Variants in XCR1 observed in about 807,000 individuals in gnomAD.
XCR1 encodes the protein chemokine XC receptor 1.
For missense variants in XCR1, 356 were observed against 424.2 expected, an observed-to-expected ratio of 0.84 and a Z score of 1.41; for synonymous variants, 187 against 188.5, an observed-to-expected ratio of 0.99 and a Z score of 0.06.
At chr3:46,075,308 C>CAAAAAAAAAAAAA (rs56787185) in intron 2 of XCR1, among the ~76,000 whole-genome samples, 8 of 61,672 alleles carry the variant, frequency 1.3e-4, no homozygotes, top group Non-Finnish European at 2.1e-4. Context: ...GCTCATAGAC[C>CAAAAAAAAAAAAA]AAAAAAAAAA....
chr3:46,059,264 T>A (rs1234705817), intron 4 of XCR1, among the ~76,000 whole-genome samples: 1 of 152,118 alleles, frequency 6.6e-6, no homozygotes, highest in African/African-American at 2.4e-5. Context: ...AAAACTCAAG[T>A]TTGCTTATAG....
At chr3:46,042,900 A>C (rs1054815421) in intron 5 of XCR1, among the ~76,000 whole-genome samples, 2 of 152,236 alleles carry the variant, frequency 1.3e-5, no homozygotes, top group Non-Finnish European at 2.9e-5. Context: ...TCCTTCATGA[A>C]TATAGATGCA....
At chr3:46,085,096 A>G (rs1698449410) in intron 1 of XCR1, among the ~76,000 whole-genome samples, 1 of 151,966 alleles carries the variant, frequency 6.6e-6, no homozygotes, top group Admixed American at 6.6e-5. Context: ...CAGCTTCTTC[A>G]TTTTAGGTGG....
chr3:46,021,123 G>A lies in XCR1; in HGVS notation c.825C>T (p.Leu275=), dbSNP rs771639209. 3 of 1,614,256 alleles carry A rather than the reference G, an allele frequency of 1.9e-6. No homozygotes were observed. The highest frequency in any genetic ancestry group is 2.2e-5 in the East Asian group (1 of 44,890). The change falls in exon 2 of 2, where the codon CTC becomes CTT. Residue 275 remains leucine (L), a synonymous_variant. Transcript: ENST00000309285. The surrounding 1 kb of genome is among the most constrained non-coding windows in gnomAD (Gnocchi z 4.7). ...LEYALLICRN[L]AFSHCCFNPV... is the part of the protein sequence containing the mutation. ...GGTTAAAGCAGCAGTGGGAGAAGGC[G>A]AGGTTGCGGCAGATGAGCAGGGCGT...
intron 5 of XCR1, among the ~76,000 whole-genome samples, chr3:46,045,300 C>A (rs1440959744): frequency 6.6e-6 from 1 of 151,854 alleles, no homozygotes; most frequent in African/African-American, 2.4e-5. Context: ...ATCCCAACTA[C>A]TCGGGAGGCT....
intron 5 of XCR1, among the ~76,000 whole-genome samples, chr3:46,034,602 T>C (rs1194682855): frequency 6.6e-6 from 1 of 152,176 alleles, no homozygotes; most frequent in Non-Finnish European, 1.5e-5. Flanking sequence ...CTTTAAAAAA[T>C]TATATAAATG....
At chr3:46,057,658 G>A (rs1697875707) in intron 4 of XCR1, among the ~76,000 whole-genome samples, 2 of 152,050 alleles carry the variant, frequency 1.3e-5, no homozygotes, top group Non-Finnish European at 2.9e-5. Flanking sequence ...TACTCTAGGA[G>A]GCCCGATTCC....
intron 5 of XCR1, among the ~76,000 whole-genome samples, chr3:46,042,715 T>A (rs1161801714): frequency 6.6e-6 from 1 of 152,232 alleles, no homozygotes; most frequent in African/African-American, 2.4e-5. Flanking sequence ...CAAGACTAGT[T>A]GGCTTTGTTG....
At chr3:46,059,217 T>C (rs1391176974) in intron 4 of XCR1, among the ~76,000 whole-genome samples, 1 of 152,182 alleles carries the variant, frequency 6.6e-6, no homozygotes, top group African/African-American at 2.4e-5. Context: ...TATGGCCTCA[T>C]GAAGAATTCC....
chr3:46,023,903 C>A, intron 1 of XCR1: 1 of 1,508,442 alleles, frequency 6.6e-7, no homozygotes, highest in Non-Finnish European at 9.2e-7. Flanking sequence ...CTGAAAAGGC[C>A]AGACTTCTAA....
chr3:46,034,034 G>A lies in XCR1; in HGVS notation c.-31-12056C>T, dbSNP rs575561793. Among the ~76,000 whole-genome samples, 87 of 151,968 alleles carry A rather than the reference G, an allele frequency of 5.7e-4. 1 individual carries two copies. The highest frequency in any genetic ancestry group is 1.9e-3 in the African/African-American group (79 of 41,456). On this transcript the variant is annotated intron_variant, in intron 5 of 5. Coordinates refer to the XCR1 transcript ENST00000683768. ...TGTTGCCAGGCTGGAGTGCAGTGGC[G>A]TGATCCTGGCTCACTGCAACCTCTG...
chr3:46,071,748 A>G (rs1698167096), intron 3 of XCR1, among the ~76,000 whole-genome samples: 1 of 152,208 alleles, frequency 6.6e-6, no homozygotes, highest in South Asian at 2.1e-4. Flanking sequence ...ACCATCTGAT[A>G]AAATTCAGCA....
At position 46,050,566 on chromosome 3, in the gene XCR1, C is replaced by A. The variant is rs576005274; in HGVS notation, c.-32+3354G>T. On this transcript the variant is annotated intron_variant, in intron 5 of 5. Transcript: ENST00000683768. Reference sequence around the variant, plus strand: ...GTAGGAGGGGCCAAAAGAATATCATCCATAAAATGAATGATATACGCAGTG... The same window carrying A: ...GTAGGAGGGGCCAAAAGAATATCATACATAAAATGAATGATATACGCAGTG... 8.5e-4 allele frequency among the ~76,000 whole-genome samples: 130 copies of A among 152,102 alleles called. 1 individual carries two copies. The highest frequency in any genetic ancestry group is 1.4e-3 in the Non-Finnish European group (96 of 68,018).
rs1481630692 is a variant in XCR1, at chr3:46,027,463, T to G, written c.-78A>C. 1.3e-5 allele frequency: 2 copies of G among 152,240 alleles called. No individual in the cohort carries two copies. Among genetic ancestry groups the G allele is most frequent in the Non-Finnish European group, 2.9e-5 (2 of 68,050 alleles). 9.4% of individuals were successfully genotyped at this position (152,240 alleles called of 1,614,324 possible). ...TGCGTCTTGAGGCAGAAATGGTGCT[T>G]CTCTGTTTCATATTTCACTTAAAGA... On this transcript the variant is annotated 5_prime_UTR_variant, in exon 1 of 2. Transcript: ENST00000309285.
chr3:46,025,637 T>C (rs1406513519), intron 1 of XCR1, among the ~76,000 whole-genome samples: 1 of 152,238 alleles, frequency 6.6e-6, no homozygotes, highest in African/African-American at 2.4e-5. Context: ...ATATGGCAAA[T>C]GTGAATAGCC....
chr3:46,042,450 A>G (rs1459084490), intron 5 of XCR1, among the ~76,000 whole-genome samples: 1 of 152,142 alleles, frequency 6.6e-6, no homozygotes, highest in Non-Finnish European at 1.5e-5. Flanking sequence ...AGATATATAG[A>G]GAGAGAACTC....
chr3:46,079,564 C>G (rs1321588960), intron 1 of XCR1, among the ~76,000 whole-genome samples: 2 of 152,118 alleles, frequency 1.3e-5, no homozygotes, highest in Non-Finnish European at 2.9e-5. Flanking sequence ...CTCAAGTCCC[C>G]TGTCCTGCCC....
intron 1 of XCR1, among the ~76,000 whole-genome samples, chr3:46,025,118 CAT>C (rs1241126546): frequency 2.0e-5 from 3 of 152,010 alleles, no homozygotes; most frequent in African/African-American, 4.8e-5. Context: ...AAATCAGTGA[CAT>C]AAGCTAGAAA....
chr3:46,043,779 C>G (rs1379213965), intron 5 of XCR1, among the ~76,000 whole-genome samples: 1 of 151,416 alleles, frequency 6.6e-6, no homozygotes, highest in Non-Finnish European at 1.5e-5. Context: ...CCTACTTACA[C>G]TACTTCTATT....
Sources: gnomAD v4.1 joint callset for allele counts (sites outside exome capture counted in the v4.1 genomes callset) on GRCh38, gnomAD v4.1.1 for gene constraint, Gnocchi (gnomAD v3.1) non-coding constraint, MANE v1.5 for transcripts, NCBI Gene and HGNC (gene_info 2026-07-23, HGNC 2026-07-21) for gene names.